The following OPALIN variants were observed in gnomAD, a reference collection of about 807,000 sequenced individuals.
OPALIN encodes oligodendrocytic myelin paranodal and inner loop protein.
OPALIN carries 15 observed loss-of-function variants against 17.8 expected under a neutral mutation model. The observed-to-expected ratio is 0.84, with a 90% confidence interval of 0.56 to 1.29. OPALIN has a LOEUF of 1.29. Among genes scored for constraint, OPALIN ranks in the 50% most tolerant of loss-of-function variants. The probability of loss-of-function intolerance (pLI) is 0.00; values close to 1 mark genes in which losing one functional copy is unlikely to be tolerated. For synonymous variants in OPALIN, 62 were observed against 63.8 expected (o/e 0.97, Z 0.14); for missense variants, 170 against 176.0 (o/e 0.97, Z 0.19).
At chr10:96,346,363 C>T (rs1197139025) in intron 5 of OPALIN, among the ~76,000 whole-genome samples, 2 of 152,198 alleles carry the variant, frequency 1.3e-5, no homozygotes, top group South Asian at 2.1e-4. Context: ...TTTCAGGCCA[C>T]TCAACTATCT....
chr10:96,353,315 T>A, intron 2 of OPALIN: 1 of 1,518,808 alleles, frequency 6.6e-7, no homozygotes, highest in East Asian at 2.3e-5. Context: ...TGTTCCAAAC[T>A]TCCCGCAGAG....
intron 2 of OPALIN, among the ~76,000 whole-genome samples, chr10:96,354,060 G>A (rs1399908149): frequency 6.6e-6 from 1 of 152,132 alleles, no homozygotes; most frequent in African/African-American, 2.4e-5. Context: ...GTCCTCTTAC[G>A]AGTAAGATTC....
At chr10:96,355,176 T>C (rs377257004) in intron 2 of OPALIN, 79 bp downstream of exon 2, 5 of 1,128,494 alleles carry the variant, frequency 4.4e-6, no homozygotes, top group South Asian at 2.5e-5. Context: ...GAGGGGTTTA[T>C]GTGAGTTCTG....
intron 2 of OPALIN, 130 bp from the exon 3 acceptor site, chr10:96,351,540 A>G (rs1845581603): frequency 9.8e-6 from 5 of 508,270 alleles, no homozygotes; most frequent in Non-Finnish European, 1.8e-5. Flanking sequence ...TCTGTTAACA[A>G]CTACCAAACA....
At chr10:96,347,082 CT>C (rs1845363667) in intron 5 of OPALIN, among the ~76,000 whole-genome samples, 2 of 150,782 alleles carry the variant, frequency 1.3e-5, no homozygotes, top group African/African-American at 4.9e-5. Context: ...TTCTTTCTTC[CT>C]TTCTTTCTTT....
chr10:96,347,534 C>A (rs1251956226), intron 5 of OPALIN, among the ~76,000 whole-genome samples: 4 of 149,560 alleles, frequency 2.7e-5, no homozygotes, highest in Admixed American at 2.7e-4. Context: ...TGCAGTGGTG[C>A]GATCTCAGCT....
chr10:96,348,495 A>C, intron 4 of OPALIN, 150 bp from the exon 5 acceptor site: 2 of 510,890 alleles, frequency 3.9e-6, no homozygotes, highest in South Asian at 6.1e-5. Context: ...ATCTAATAAC[A>C]TCACCCCTCA....
At chr10:96,357,139 A>T (rs1845855515) in intron 1 of OPALIN, 18 of 985,456 alleles carry the variant, frequency 1.8e-5, no homozygotes, top group Non-Finnish European at 2.2e-5. Flanking sequence ...TGCTGCAAGG[A>T]CACTGGATGG....
chr10:96,345,680 TC>T lies in OPALIN; in HGVS notation c.*260del. 2.8e-6 allele frequency: 1 copy of T among 362,506 alleles called. No homozygotes were observed. The highest frequency in any genetic ancestry group is 4.9e-6 in the Non-Finnish European group (1 of 203,616). The allele number at this position is 362,506 out of a possible 1,614,324, so 22.5% of individuals were successfully genotyped here. A position where few individuals can be genotyped will look rare whatever the true frequency, so the allele number is the denominator to read the frequency against. ...CCCAAAATGACAAAGAAAAGCAAAT[TC>T]CCACTGGGAGCAGGAATAGGATCTA... is the stretch of plus-strand genomic sequence containing the variant. On this transcript the variant is annotated 3_prime_UTR_variant, in exon 6 of 6. Coordinates refer to ENST00000371172, the MANE Select transcript of OPALIN (RefSeq NM_033207.5).
rs760203194 is a variant in OPALIN at position 96,355,261 on chromosome 10, C to T, written c.33G>A (p.Ala11=). The part of the protein sequence containing the change: MSFSLNFTLP[A]NTTSSPVTGG... ...TGGGGGCTGCTGTACTTACTGTGTTCGCCGGCAGGGTGAAGTTCAGTGAAA... is the reference window on the plus strand; with the variant it reads ...TGGGGGCTGCTGTACTTACTGTGTTTGCCGGCAGGGTGAAGTTCAGTGAAA... The change falls in exon 2 of 6, where the codon GCG becomes GCA. Residue 11 remains alanine, a synonymous_variant. Transcript: ENST00000371172. 1.1e-5 allele frequency: 18 copies of T among 1,613,756 alleles called. No individual in the cohort carries two copies. Among genetic ancestry groups the T allele is most frequent in the Admixed American group, 3.3e-5 (2 of 59,968 alleles).
chr10:96,343,888 A>T lies in OPALIN; in HGVS notation c.*2053T>A, dbSNP rs1435403061. 6.6e-6 allele frequency: 1 copy of T among 152,184 alleles called. No homozygotes were observed. Among genetic ancestry groups the T allele is most frequent in the Non-Finnish European group, 1.5e-5 (1 of 68,056 alleles). 9.4% of individuals were successfully genotyped at this position (152,184 alleles called of 1,614,324 possible). A position where few individuals can be genotyped will look rare whatever the true frequency, so the allele number is the denominator to read the frequency against. ...TCTAGGATATCTGTGTGGCTCATGG[A>T]GCTGCTGGATGAACTTAAGATGCCC... On this transcript the variant is annotated 3_prime_UTR_variant, in exon 6 of 6. Transcript: ENST00000371172.
At chr10:96,357,799 G>A (rs1589396884) in intron 1 of OPALIN, among the ~76,000 whole-genome samples, 1 of 152,244 alleles carries the variant, frequency 6.6e-6, no homozygotes, top group East Asian at 1.9e-4. Flanking sequence ...GCAAGCATGA[G>A]TTAGTGATAG....
chr10:96,352,668 G>A (rs1441189455), intron 2 of OPALIN, among the ~76,000 whole-genome samples: 1 of 148,874 alleles, frequency 6.7e-6, no homozygotes, highest in Non-Finnish European at 1.5e-5. Flanking sequence ...AATACACTTA[G>A]GGTGGCTTTC....
chr10:96,350,768 G>T (rs1486249908), intron 3 of OPALIN, among the ~76,000 whole-genome samples: 3 of 152,122 alleles, frequency 2.0e-5, no homozygotes, highest in African/African-American at 7.2e-5. Context: ...TGCTTTGATC[G>T]GAGTGGAAAT....
chr10:96,345,725 T>G lies in OPALIN; in HGVS notation c.*216A>C, dbSNP rs912493597. On this transcript the variant is annotated 3_prime_UTR_variant, in exon 6 of 6. Transcript: ENST00000371172. ...GGATCTAAGGACCCCATCTGGTGAG[T>G]CACATGTACTAACTAAAGCACAAGA... 2 of 448,938 alleles carry G rather than the reference T, an allele frequency of 4.5e-6. No individual in the cohort carries two copies. The highest frequency in any genetic ancestry group is 7.8e-6 in the Non-Finnish European group (2 of 255,610). The allele number at this position is 448,938 out of a possible 1,614,324, so 27.8% of individuals were successfully genotyped here. A position where few individuals can be genotyped will look rare whatever the true frequency, so the allele number is the denominator to read the frequency against.
chr10:96,354,018 C>T (rs1288539578), intron 2 of OPALIN, among the ~76,000 whole-genome samples: 1 of 152,176 alleles, frequency 6.6e-6, no homozygotes, highest in African/African-American at 2.4e-5. Context: ...ACTATGCCCC[C>T]ATGTTTCAGT....
chr10:96,357,140 C>A, intron 1 of OPALIN: 1 of 984,496 alleles, frequency 1.0e-6, no homozygotes, highest in Non-Finnish European at 1.2e-6. Context: ...GCTGCAAGGA[C>A]ACTGGATGGT....
chr10:96,347,081 CCTTTCTTT>C (rs992162315), intron 5 of OPALIN, among the ~76,000 whole-genome samples: 1 of 150,602 alleles, frequency 6.6e-6, no homozygotes, highest in African/African-American at 2.4e-5. Context: ...TTTCTTTCTT[CCTTTCTTT>C]CTTTTTTTTT....
At position 96,349,816 on chromosome 10, in the gene OPALIN, G is replaced by A. The variant is rs201145766; in HGVS notation, c.83C>T (p.Pro28Leu). 3.6e-4 allele frequency: 583 copies of A among 1,613,400 alleles called. No individual in the cohort carries two copies. Among genetic ancestry groups the A allele is most frequent in the Non-Finnish European group, 4.7e-4 (560 of 1,179,770 alleles). ...TATGCCCGCCGCTAATCCAAGAGAG[G>A]GCCCACAGTCCTGGCACAGAATGAA... Reference protein sequence around the residue: ...VTGGKETDCGPSLGLAAGIPL... With the variant: ...VTGGKETDCGLSLGLAAGIPL... Residue 28 changes from proline to leucine, a missense_variant, in exon 4 of 6, where the codon CCC (proline) becomes CTC (leucine). Coordinates refer to ENST00000371172, the MANE Select transcript of OPALIN (RefSeq NM_033207.5).
Sources: gnomAD v4.1 joint callset for allele counts (sites outside exome capture counted in the v4.1 genomes callset) on GRCh38, gnomAD v4.1.1 for gene constraint, MANE v1.5 for transcripts, NCBI Gene and HGNC (gene_info 2026-07-23, HGNC 2026-07-21) for gene names.